LRCH2: variants seen among roughly 807,000 people sequenced by gnomAD.
LRCH2 encodes leucine rich repeats and calponin homology domain containing 2.
Under a neutral mutation model 68.9 loss-of-function variants are expected in LRCH2, and 38 were observed. That is an observed-to-expected ratio of 0.55 (90% CI 0.43 to 0.72). The LOEUF (loss-of-function observed/expected upper bound fraction) is 0.72. LRCH2 is among the 30% of genes least tolerant of loss of function. LRCH2 has a pLI of 0.00. For missense variants in LRCH2, 528 were observed against 572.9 expected, an observed-to-expected ratio of 0.92 and a Z score of 0.80; for synonymous variants, 191 against 208.1, an observed-to-expected ratio of 0.92 and a Z score of 0.71.
At chrX:115,191,020 C>T (rs2072803653) in intron 1 of LRCH2, 1 of 1,161,813 alleles carries the variant, frequency 8.6e-7, no homozygotes, top group African/African-American at 1.8e-5. Flanking sequence ...AGGCCGTTCA[C>T]CCGACACCCA....
intron 1 of LRCH2, among the ~76,000 whole-genome samples, chrX:115,220,959 G>A (rs1236581573): frequency 2.8e-5 from 3 of 108,073 alleles, no homozygotes; most frequent in Non-Finnish European, 5.7e-5. Context: ...AGGCCGAGGC[G>A]GGTGGATCAC....
intron 3 of LRCH2, among the ~76,000 whole-genome samples, chrX:115,181,214 T>G (rs1235866856): frequency 9.2e-6 from 1 of 108,753 alleles, no homozygotes; most frequent in African/African-American, 3.4e-5. Flanking sequence ...AGGGAGAGAG[T>G]AGAATAGAGG....
At chrX:115,155,437 A>C (rs1556539420) in intron 12 of LRCH2, among the ~76,000 whole-genome samples, 1 of 111,206 alleles carries the variant, frequency 9.0e-6, no homozygotes, top group African/African-American at 3.3e-5. Context: ...CTCAGAACTT[A>C]AAGTATAATT....
chrX:115,194,330 T>A (rs1239661273), intron 1 of LRCH2, among the ~76,000 whole-genome samples: 5 of 111,895 alleles, frequency 4.5e-5, no homozygotes, highest in African/African-American at 1.6e-4. Context: ...GAAATAAATG[T>A]TTCCCAATAT....
At chrX:115,117,195 G>A (rs971140179) in intron 20 of LRCH2, among the ~76,000 whole-genome samples, 6 of 111,294 alleles carry the variant, frequency 5.4e-5, no homozygotes, top group Admixed American at 2.9e-4. Context: ...AAAGATGATC[G>A]GCATCATTAG....
chrX:115,145,292 A>G (rs2072372518), intron 14 of LRCH2, among the ~76,000 whole-genome samples: 1 of 111,785 alleles, frequency 8.9e-6, no homozygotes, highest in Non-Finnish European at 1.9e-5. Flanking sequence ...CACAAAAATC[A>G]AATCAAAATG....
At chrX:115,113,891 T>C (rs1556523384) in intron 20 of LRCH2, among the ~76,000 whole-genome samples, 1 of 111,269 alleles carries the variant, frequency 9.0e-6, no homozygotes, top group East Asian at 2.8e-4. Context: ...CCGATCCTCT[T>C]CCAACATTCC....
chrX:115,232,694 T>G (rs2073160936), intron 1 of LRCH2, among the ~76,000 whole-genome samples: 1 of 111,917 alleles, frequency 8.9e-6, no homozygotes, highest in African/African-American at 3.2e-5. Context: ...CGACATCTAT[T>G]AAAATAATTT....
chrX:115,151,964 G>C (rs1313418150), intron 12 of LRCH2, among the ~76,000 whole-genome samples: 1 of 111,230 alleles, frequency 9.0e-6, no homozygotes, highest in Non-Finnish European at 1.9e-5. Flanking sequence ...AATGCACAGA[G>C]AAAGGAAAGA....
intron 14 of LRCH2, among the ~76,000 whole-genome samples, chrX:115,135,449 G>A (rs1293558014): frequency 9.0e-6 from 1 of 111,082 alleles, no homozygotes; most frequent in East Asian, 2.8e-4. Flanking sequence ...GCTTAAAGTT[G>A]TGACTCAATT....
chrX:115,213,616 G>A (rs2073022500), intron 1 of LRCH2, among the ~76,000 whole-genome samples: 1 of 112,009 alleles, frequency 8.9e-6, no homozygotes, highest in Admixed American at 9.5e-5. Flanking sequence ...TAACACTTCA[G>A]TGAAAGAATG....
In LRCH2 at chrX:115,210,154, T is replaced by C. The variant is rs782036118; in HGVS notation, c.350-21784A>G. Among the ~76,000 whole-genome samples, 12 of 111,982 alleles carry C rather than the reference T, an allele frequency of 1.1e-4. No homozygotes were observed. The South Asian group carries it at 4.5e-3, about 42-fold the overall frequency. On this transcript the variant is annotated intron_variant, in intron 1 of 20. Coordinates refer to ENST00000317135, the MANE Select transcript of LRCH2 (RefSeq NM_020871.4). ...TTTGCATAAGTATCCAGGACCCGAA[T>C]GTTAATCCCCAAGAAAATGGGGAAA...
At chrX:115,231,637 CA>C (rs781851569) in intron 1 of LRCH2, among the ~76,000 whole-genome samples, 1 of 112,142 alleles carries the variant, frequency 8.9e-6, no homozygotes, top group Admixed American at 9.4e-5. Context: ...TTACCATGAA[CA>C]GATATGGTTC....
At chrX:115,201,927 T>G (rs5987862) in intron 1 of LRCH2, among the ~76,000 whole-genome samples, 11,616 of 110,688 alleles carry the variant, frequency 0.1, 468 homozygotes, top group African/African-American at 0.12. Context: ...ATAAAATACC[T>G]AGGAATAAAT....
chrX:115,193,408 A>AT (rs1218596622), intron 1 of LRCH2, among the ~76,000 whole-genome samples: 75 of 108,290 alleles, frequency 6.9e-4, no homozygotes, highest in African/African-American at 2.3e-3. Context: ...TTTTCCCACA[A>AT]TTTTTTTTTT....
intron 1 of LRCH2, chrX:115,191,155 T>G: frequency 8.6e-7 from 1 of 1,164,602 alleles, no homozygotes; most frequent in Non-Finnish European, 1.1e-6. Context: ...TGCCGACGCC[T>G]ACAGTGGGGG....
intron 1 of LRCH2, among the ~76,000 whole-genome samples, chrX:115,215,558 C>A (rs2073035541): frequency 9.2e-6 from 1 of 109,254 alleles, no homozygotes; most frequent in Non-Finnish European, 1.9e-5. Context: ...ACCACACTAG[C>A]CAACGTGATG....
chrX:115,158,082 A>G (rs944224666), intron 11 of LRCH2, among the ~76,000 whole-genome samples: 4 of 112,005 alleles, frequency 3.6e-5, no homozygotes, highest in Non-Finnish European at 5.6e-5. Flanking sequence ...TAGATTATTA[A>G]CATACTTCCC....
At chrX:115,162,121 A>G (rs1330807553) in intron 11 of LRCH2, among the ~76,000 whole-genome samples, 1 of 109,780 alleles carries the variant, frequency 9.1e-6, no homozygotes, top group Non-Finnish European at 1.9e-5. Context: ...GGGTTTCGCC[A>G]TGTTGCCCAG....
Sources: allele counts gnomAD v4.1 joint callset (sites outside exome capture counted in the v4.1 genomes callset), GRCh38; gene constraint gnomAD v4.1.1; transcripts MANE v1.5; gene names NCBI Gene and HGNC (gene_info 2026-07-23, HGNC 2026-07-21).